The following CHST15 variants were observed in gnomAD, a reference collection of about 807,000 sequenced individuals.
The protein encoded by CHST15 is B cell RAG associated protein (GALNAC4S-6ST).
Under a neutral mutation model 53.6 loss-of-function variants are expected in CHST15, and 30 were observed. The ratio of observed to expected loss-of-function variants is 0.56; its 90% confidence interval spans 0.42 to 0.76. CHST15 has a LOEUF of 0.76. Ranked by LOEUF, CHST15 falls within the 30% of genes least tolerant of loss-of-function variation. The pLI is 0.00. For missense variants in CHST15, 627 were observed against 740.5 expected, an observed-to-expected ratio of 0.85 and a Z score of 1.78; for synonymous variants, 296 against 289.8, an observed-to-expected ratio of 1.02 and a Z score of -0.22.
chr10:124,012,722 C>A (rs1426702584), intron 6 of CHST15, among the ~76,000 whole-genome samples: 1 of 152,198 alleles, frequency 6.6e-6, no homozygotes, highest in Non-Finnish European at 1.5e-5. Context: ...GTGGGTAGCG[C>A]CATGCCTCCA....
Position 124,010,347 on chromosome 10 carries a change from A to G in CHST15, c.1496-8T>C, listed in dbSNP as rs774844086. 1 of 1,567,718 alleles carries G rather than the reference A, an allele frequency of 6.4e-7. No individual in the cohort carries two copies. The highest frequency in any genetic ancestry group is 8.6e-7 in the Non-Finnish European group (1 of 1,157,014). On this transcript the variant is annotated splice_polypyrimidine_tract_variant and splice_region_variant and intron_variant, in intron 7 of 7. Transcript: ENST00000435907. The stretch of plus-strand genomic sequence containing the variant: ...GCTTCTCACTTAAGGGCCCTAGAAT[A>G]AAAGAAGACGAGTCCCGTAAGGCAG...
At chr10:124,066,080 T>C (rs1948743099) in intron 1 of CHST15, among the ~76,000 whole-genome samples, 1 of 152,152 alleles carries the variant, frequency 6.6e-6, no homozygotes, top group Non-Finnish European at 1.5e-5. Context: ...AGTCACTTTT[T>C]CCCCTCTTCT....
chr10:124,091,955 G>C (rs76632123), intron 1 of CHST15, among the ~76,000 whole-genome samples: 5,504 of 152,020 alleles, frequency 0.036, 347 homozygotes, highest in East Asian at 0.24. Flanking sequence ...GGACAGCGAC[G>C]GGGAGGTCAA....
intron 5 of CHST15, among the ~76,000 whole-genome samples, chr10:124,026,067 A>G (rs1946993960): frequency 6.6e-6 from 1 of 152,210 alleles, no homozygotes; most frequent in Non-Finnish European, 1.5e-5. Context: ...AGGAAGACCA[A>G]TTACTCCAAG....
At chr10:124,034,610 G>A (rs1947356580) in intron 5 of CHST15, among the ~76,000 whole-genome samples, 1 of 149,666 alleles carries the variant, frequency 6.7e-6, no homozygotes, top group Non-Finnish European at 1.5e-5. Flanking sequence ...CCCCCTAACA[G>A]GGACCCTGGC....
At chr10:124,083,047 A>T (rs1949302106) in intron 1 of CHST15, among the ~76,000 whole-genome samples, 1 of 152,248 alleles carries the variant, frequency 6.6e-6, no homozygotes, top group African/African-American at 2.4e-5. Context: ...ATACTAAAAA[A>T]CATGGAATTG....
At chr10:124,047,901 C>G (rs78327343) in intron 1 of CHST15, among the ~76,000 whole-genome samples, 3,960 of 152,212 alleles carry the variant, frequency 0.026, 177 homozygotes, top group African/African-American at 0.091. Flanking sequence ...TTGAAAATTA[C>G]CCAAGAGTGG....
Position 124,046,171 on chromosome 10 carries a change from G to T in CHST15, c.42C>A (p.Asp14Glu). 1 of 1,613,428 alleles carries T rather than the reference G, an allele frequency of 6.2e-7. No individual in the cohort carries two copies. Among genetic ancestry groups the T allele is most frequent in the Non-Finnish European group, 8.5e-7 (1 of 1,179,638 alleles). Reference protein sequence around the residue: ...CINCCIQLLPDGAHKQQVNCQ... With the variant: ...CINCCIQLLPEGAHKQQVNCQ... ...AGTTGACCTGCTGCTTGTGTGCGCC[G>T]TCGGGTAACAGCTGTATGCAGCAAT... Residue 14 changes from aspartate (D) to glutamate (E), a missense_variant, in exon 2 of 8, where the codon GAC (aspartate) becomes GAA (glutamate). Transcript: ENST00000435907.
At chr10:124,050,154 A>G (rs987538643) in intron 1 of CHST15, among the ~76,000 whole-genome samples, 3 of 152,210 alleles carry the variant, frequency 2.0e-5, no homozygotes, top group Admixed American at 1.3e-4. Context: ...TGGACAAGCA[A>G]TCTGAAGACC....
chr10:124,092,695 C>T (rs1029836055), intron 1 of CHST15, among the ~76,000 whole-genome samples: 1 of 152,254 alleles, frequency 6.6e-6, no homozygotes, highest in African/African-American at 2.4e-5. Flanking sequence ...GAGAGAGTGG[C>T]GGATGCCCAC....
intron 1 of CHST15, among the ~76,000 whole-genome samples, chr10:124,047,641 G>A (rs909586279): frequency 6.6e-6 from 1 of 152,160 alleles, no homozygotes; most frequent in African/African-American, 2.4e-5. Context: ...ACCTCTCTGA[G>A]CTTTGGTTTC....
Position 124,070,893 on chromosome 10 carries a change from C to A in CHST15, c.-513+22576G>T, listed in dbSNP as rs183348435. ...TACCAGGCTCACCTGCGAGTCCCTG[C>A]CTGCCACAGACTCCGTAGGCTGCCC... On this transcript the variant is annotated intron_variant, in intron 1 of 7. Transcript: ENST00000435907. 2.0e-5 allele frequency among the ~76,000 whole-genome samples: 3 copies of A among 152,328 alleles called. No homozygotes were observed. In the East Asian group the frequency reaches 5.8e-4, roughly 29 times the overall value.
chr10:124,060,765 G>A (rs559454388), intron 1 of CHST15, among the ~76,000 whole-genome samples: 3 of 152,280 alleles, frequency 2.0e-5, no homozygotes, highest in East Asian at 1.9e-4. Flanking sequence ...TTATATCCAC[G>A]TATATACTAA....
At chr10:124,065,608 CTG>C (rs1250791555) in intron 1 of CHST15, among the ~76,000 whole-genome samples, 1 of 152,134 alleles carries the variant, frequency 6.6e-6, no homozygotes, top group African/African-American at 2.4e-5. Flanking sequence ...CCCGCCAGTC[CTG>C]CTGGGAGCAG....
In CHST15 at chr10:124,046,173, C is replaced by G. The variant is rs200819458; in HGVS notation, c.40G>C (p.Asp14His). 1 of 1,613,096 alleles carries G rather than the reference C, an allele frequency of 6.2e-7. No individual in the cohort carries two copies. The highest frequency in any genetic ancestry group is 1.3e-5 in the African/African-American group (1 of 74,930). ...CINCCIQLLP[D>H]GAHKQQVNCQ... ...TTGACCTGCTGCTTGTGTGCGCCGT[C>G]GGGTAACAGCTGTATGCAGCAATTA... is the stretch of plus-strand genomic sequence containing the variant. The change falls in exon 2 of 8, where the codon GAC becomes CAC. Residue 14 changes from aspartate to histidine, a missense_variant. By Grantham distance (81) the Asp-to-His change is moderately conservative. Around this residue, in one of 3 missense-constraint regions of CHST15, gnomAD observed 187 missense variants for 251.8 expected, o/e 0.74. Coordinates refer to ENST00000435907, the MANE Select transcript of CHST15 (RefSeq NM_001270764.2).
intron 6 of CHST15, among the ~76,000 whole-genome samples, chr10:124,016,525 T>C (rs1008907104): frequency 2.6e-5 from 4 of 152,104 alleles, no homozygotes; most frequent in African/African-American, 9.7e-5. Flanking sequence ...TAAGCTACTG[T>C]CTTGTCATCC....
At chr10:124,041,362 G>A (rs183354269) in intron 4 of CHST15, among the ~76,000 whole-genome samples, 34 of 152,258 alleles carry the variant, frequency 2.2e-4, no homozygotes, top group African/African-American at 7.9e-4. Flanking sequence ...TCTTTTAGAA[G>A]GCATCAGTGG....
intron 5 of CHST15, among the ~76,000 whole-genome samples, chr10:124,029,625 G>A (rs1947144538): frequency 6.6e-6 from 1 of 152,230 alleles, no homozygotes; most frequent in African/African-American, 2.4e-5. Flanking sequence ...ACCTTCTCGT[G>A]ATTCACCAGT....
chr10:124,027,458 G>C (rs1438022981), intron 5 of CHST15, among the ~76,000 whole-genome samples: 1 of 152,080 alleles, frequency 6.6e-6, no homozygotes, highest in Non-Finnish European at 1.5e-5. Flanking sequence ...ACCACTGCTG[G>C]ATTCATTCAG....
Sources: allele counts gnomAD v4.1 joint callset (sites outside exome capture counted in the v4.1 genomes callset), GRCh38; gene constraint gnomAD v4.1.1; regional missense constraint gnomAD v4.1.1; transcripts MANE v1.5; gene names NCBI Gene and HGNC (gene_info 2026-07-23, HGNC 2026-07-21).